Variants in ZNF552 observed in about 807,000 individuals in gnomAD.
The protein encoded by ZNF552 is zinc finger protein 552.
ZNF552 carries 2 observed loss-of-function variants against 7.2 expected under a neutral mutation model. The ratio of observed to expected loss-of-function variants is 0.28; its 90% CI spans 0.11 to 0.88. ZNF552 has a LOEUF of 0.88. ZNF552 is among the 40% of genes least tolerant of loss of function. The pLI, the probability that ZNF552 is intolerant of heterozygous loss-of-function variation, is 0.60. For synonymous variants in ZNF552, 173 were observed against 176.5 expected, an observed-to-expected ratio of 0.98 and a Z score of 0.16; for missense variants, 421 against 493.4, an observed-to-expected ratio of 0.85 and a Z score of 1.39.
chr19:57,814,487 C>A (rs1568491819), intron 1 of ZNF552: 4 of 1,534,680 alleles, frequency 2.6e-6, no homozygotes, highest in Non-Finnish European at 3.5e-6. Flanking sequence ...TTCCATCCTC[C>A]CGGATCCGTC....
At chr19:57,813,186 G>A (rs1987889303) in intron 2 of ZNF552, 108 bp downstream of exon 2, 18 of 1,542,026 alleles carry the variant, frequency 1.2e-5, no homozygotes, top group Non-Finnish European at 1.6e-5. Flanking sequence ...AAGAACTGAA[G>A]TAGGAAGCTG....
At chr19:57,814,635 AG>A (rs772164849) in intron 1 of ZNF552, 75 bp downstream of exon 1, 50 of 1,611,978 alleles carry the variant, frequency 3.1e-5, no homozygotes, top group Non-Finnish European at 3.4e-5. Flanking sequence ...AGCCGTAAAC[AG>A]GTGCCGCTCC....
chr19:57,810,934 G>A (rs933105975), intron 2 of ZNF552, among the ~76,000 whole-genome samples: 6 of 152,266 alleles, frequency 3.9e-5, no homozygotes, highest in African/African-American at 1.4e-4. Context: ...AGATGTTTAT[G>A]TATATGCACA....
rs1350608031 is a variant in ZNF552, at chr19:57,808,503, C to G, written c.761G>C (p.Ser254Thr). Reference sequence around the variant, plus strand: ...GTGAACTCCTTGATGATTACTGAAGCTGTCATATTTGCTAGAGGATTTCCC... The same window carrying G: ...GTGAACTCCTTGATGATTACTGAAGGTGTCATATTTGCTAGAGGATTTCCC... ...ECGKSSSKYD[S>T]FSNHQGVHTR... The change falls in exon 3 of 3, where the codon AGC becomes ACC. Residue 254 changes from serine to threonine, a missense_variant. Ser to Thr is a moderately conservative substitution (Grantham distance 58). Around this residue, in one of 2 missense-constraint regions of ZNF552, gnomAD observed 299 missense variants for 293.7 expected, o/e 1.02. Coordinates refer to ENST00000391701, the MANE Select transcript of ZNF552 (RefSeq NM_024762.3). The G allele has an allele frequency of 6.2e-7, 1 of 1,613,660 alleles. No individual in the cohort carries two copies. The highest frequency in any genetic ancestry group is 1.3e-5 in the African/African-American group (1 of 74,920).
Position 57,808,168 on chromosome 19 carries a change from T to C in ZNF552, c.1096A>G (p.Ser366Gly). The stretch of plus-strand genomic sequence containing the variant: ...TGAACTCTCCTGTGTTTAGTGAGAC[T>C]GGAGCTTTCGGCAAAAGATTTCCCA... Reference protein sequence around the residue: ...ECGKSFAESSSLTKHRRVHTG... With the variant: ...ECGKSFAESSGLTKHRRVHTG... Residue 366 changes from serine to glycine, a missense_variant, in exon 3 of 3, where the codon AGT (serine) becomes GGT (glycine). Physicochemically the swap from Ser to Gly is moderately conservative, Grantham distance 56. This residue lies in a region of ZNF552 where 299 missense variants were observed against 293.7 expected (regional missense o/e 1.02). Coordinates refer to ENST00000391701, the MANE Select transcript of ZNF552 (RefSeq NM_024762.3). 1.9e-6 allele frequency: 3 copies of C among 1,614,084 alleles called. No homozygotes were observed. Among genetic ancestry groups the C allele is most frequent in the Non-Finnish European group, 2.5e-6 (3 of 1,179,966 alleles).
In ZNF552 at chr19:57,807,341, G is replaced by T. The variant is rs920872635; in HGVS notation, c.*699C>A. On this transcript the variant is annotated 3_prime_UTR_variant, in exon 3 of 3. Coordinates refer to ENST00000391701, the MANE Select transcript of ZNF552 (RefSeq NM_024762.3). Reference sequence around the variant, plus strand: ...TGAGAGGCCAAGGCGGGCAGATCACGAGGTCAGGAGATTGAGAACTTCCTG... The same window carrying T: ...TGAGAGGCCAAGGCGGGCAGATCACTAGGTCAGGAGATTGAGAACTTCCTG... 6.6e-6 allele frequency: 1 copy of T among 152,146 alleles called. No homozygotes were observed. Among genetic ancestry groups the T allele is most frequent in the Non-Finnish European group, 1.5e-5 (1 of 68,036 alleles). The allele number at this position is 152,146 out of a possible 1,614,324, so 9.4% of individuals were successfully genotyped here.
Position 57,807,865 on chromosome 19 carries a change from G to A in ZNF552, c.*175C>T, listed in dbSNP as rs997556888. 6.5e-6 allele frequency: 6 copies of A among 920,274 alleles called. No homozygotes were observed. The highest frequency in any genetic ancestry group is 5.0e-5 in the African/African-American group (3 of 60,088). The allele number at this position is 920,274 out of a possible 1,614,324, so 57.0% of individuals were successfully genotyped here. On this transcript the variant is annotated 3_prime_UTR_variant, in exon 3 of 3. Transcript: ENST00000391701. ...TATAATCCTGAAGGAATACAGAGGT[G>A]TGGCTACAAAACTGCCCAAATTTAT...
intron 1 of ZNF552, 135 bp downstream of exon 1, chr19:57,814,576 A>C (rs868683878): frequency 6.4e-7 from 1 of 1,561,096 alleles, no homozygotes; most frequent in Middle Eastern, 1.7e-4. Flanking sequence ...TGAAACAGGG[A>C]TCCCTCCCGA....
Position 57,808,869 on chromosome 19 carries a change from C to T in ZNF552, c.395G>A (p.Gly132Glu), listed in dbSNP as rs753010820. The change falls in exon 3 of 3, where the codon GGA (glycine) becomes GAA (glutamate). Residue 132 changes from glycine to glutamate, a missense_variant. Gly to Glu is a moderately conservative substitution (Grantham distance 98). Around this residue, in one of 2 missense-constraint regions of ZNF552, gnomAD observed 122 missense variants for 199.7 expected, o/e 0.61. Transcript: ENST00000391701. ...EAWGNKLYDS[G>E]NFHQHQNEHI... Reference sequence around the variant, plus strand: ...CTCATTCTGGTGCTGATGAAAGTTTCCACTGTCATACAATTTATTCCCCCA... The same window carrying T: ...CTCATTCTGGTGCTGATGAAAGTTTTCACTGTCATACAATTTATTCCCCCA... 2.5e-6 allele frequency: 4 copies of T among 1,613,636 alleles called. No homozygotes were observed. The African/African-American group carries it at 5.4e-5, about 22-fold the overall frequency.
chr19:57,810,464 A>G (rs970137058), intron 2 of ZNF552, among the ~76,000 whole-genome samples: 2 of 152,224 alleles, frequency 1.3e-5, no homozygotes, highest in Admixed American at 6.5e-5. Context: ...CCTACTCCCA[A>G]CCCTGTGCTC....
At chr19:57,812,264 G>A (rs1987872936) in intron 2 of ZNF552, among the ~76,000 whole-genome samples, 1 of 151,974 alleles carries the variant, frequency 6.6e-6, no homozygotes, top group African/African-American at 2.4e-5. Context: ...GAAATCATGT[G>A]TGCTTACTTG....
In ZNF552 at chr19:57,808,770, G is replaced by C. The variant is rs1379291813; in HGVS notation, c.494C>G (p.Ser165Ter). The change falls in exon 3 of 3, where the codon TCA (serine) becomes TGA (stop). Residue 165 changes from serine (S) to a stop codon, truncating the protein, a stop_gained. Coordinates refer to ENST00000391701, the MANE Select transcript of ZNF552 (RefSeq NM_024762.3). LOFTEE classifies it low-confidence loss of function (END_TRUNC). ...LFAKRCKLHV[S>*]GESSVFSESG... ...CTCACTGAAGACAGATGACTCCCCTGACACATGCAACTTACACCTCTTCGC... is the reference window on the plus strand; with the variant it reads ...CTCACTGAAGACAGATGACTCCCCTCACACATGCAACTTACACCTCTTCGC... The C allele has an allele frequency of 6.2e-7, 1 of 1,614,148 alleles. No homozygotes were observed. The highest frequency in any genetic ancestry group is 1.1e-5 in the South Asian group (1 of 91,080).
At chr19:57,813,553 G>C in intron 1 of ZNF552, 133 bp from the exon 2 acceptor site, 1 of 1,371,494 alleles carries the variant, frequency 7.3e-7, no homozygotes, top group Non-Finnish European at 1.0e-6. Flanking sequence ...AGGCCCACTG[G>C]TCATGGGGTA....
chr19:57,813,326 G>A lies in ZNF552; in HGVS notation c.128C>T (p.Thr43Met), dbSNP rs748850603. The A allele has an allele frequency of 1.2e-5, 19 of 1,614,002 alleles. No individual in the cohort carries two copies. The highest frequency in any genetic ancestry group is 1.6e-4 in the Middle Eastern group (1 of 6,084). ...EAQRCLYRDV[T>M]LENLALMSSL... Reference sequence around the variant, plus strand: ...GGACATAAGTGCCAGGTTCTCCAGCGTCACATCACGGTACAGGCATCTCTG... The same window carrying A: ...GGACATAAGTGCCAGGTTCTCCAGCATCACATCACGGTACAGGCATCTCTG... Residue 43 changes from threonine (T) to methionine (M), a missense_variant, in exon 2 of 3, where the codon ACG becomes ATG. By Grantham distance (81) the Thr-to-Met change is moderately conservative. Around this residue, in one of 2 missense-constraint regions of ZNF552, gnomAD observed 122 missense variants for 199.7 expected, o/e 0.61. Coordinates refer to ENST00000391701, the MANE Select transcript of ZNF552 (RefSeq NM_024762.3).
rs759325144 is a variant in ZNF552 at position 57,814,753 on chromosome 19, TG to T, written c.-11del. 1 of 1,613,502 alleles carries T rather than the reference TG, an allele frequency of 6.2e-7. No individual in the cohort carries two copies. Among genetic ancestry groups the T allele is most frequent in the South Asian group, 1.1e-5 (1 of 91,040 alleles). On this transcript the variant is annotated 5_prime_UTR_variant, in exon 1 of 3. Coordinates refer to ENST00000391701, the MANE Select transcript of ZNF552 (RefSeq NM_024762.3). ...GCGCGGCCGCCGCCATGGGACCACG[TG>T]GGGTAAGCTGGGTTGAGAGCAGCGG...
chr19:57,813,572 A>G, intron 1 of ZNF552, 152 bp from the exon 2 acceptor site: 1 of 1,368,978 alleles, frequency 7.3e-7, no homozygotes, highest in Non-Finnish European at 1.0e-6. Flanking sequence ...TACAGCCACC[A>G]ACAACAATAG....
intron 1 of ZNF552, chr19:57,814,329 GCCT>G: frequency 4.7e-6 from 3 of 637,948 alleles, no homozygotes; most frequent in East Asian, 5.5e-5. Context: ...AACTTTAAAA[GCCT>G]GGACTTTGAT....
At position 57,808,787 on chromosome 19, in the gene ZNF552, C is replaced by G; in HGVS notation, c.477G>C (p.Arg159Ser). 6.2e-7 allele frequency: 1 copy of G among 1,614,002 alleles called. No individual in the cohort carries two copies. Among genetic ancestry groups the G allele is most frequent in the Non-Finnish European group, 8.5e-7 (1 of 1,180,036 alleles). Residue 159 changes from arginine to serine, a missense_variant, in exon 3 of 3, where the codon AGG becomes AGC. By Grantham distance (110) the Arg-to-Ser change is moderately radical. Transcript: ENST00000391701. ...ACTCCCCTGACACATGCAACTTACA[C>G]CTCTTCGCAAACAACGCCTCCTCAA... is the stretch of plus-strand genomic sequence containing the variant. ...GSVEEALFAKRCKLHVSGESS... is the reference protein window; with the variant it reads ...GSVEEALFAKSCKLHVSGESS...
intron 2 of ZNF552, among the ~76,000 whole-genome samples, chr19:57,810,123 G>A (rs7259790): frequency 0.56 from 85,103 of 150,880 alleles, 24,273 homozygotes; most frequent in East Asian, 0.65. Flanking sequence ...AAAGAAAAGA[G>A]AAGAGGAGAG....
Sources: gnomAD v4.1 joint callset for allele counts (sites outside exome capture counted in the v4.1 genomes callset) on GRCh38, gnomAD v4.1.1 for gene constraint, gnomAD v4.1.1 regional missense constraint, MANE v1.5 for transcripts, NCBI Gene and HGNC (gene_info 2026-07-23, HGNC 2026-07-21) for gene names.